TMEM51: variants seen among roughly 807,000 people sequenced by gnomAD.
TMEM51 encodes chromosome 1 open reading frame 72.
TMEM51 carries 8 observed loss-of-function variants against 13.6 expected under a neutral mutation model. That is an observed-to-expected ratio of 0.59 (90% CI 0.35 to 1.07). The LOEUF is 1.07. Among genes scored for constraint, TMEM51 ranks in the 50% least tolerant of loss-of-function variants. TMEM51 has a pLI of 0.02. For synonymous variants in TMEM51, 147 were observed against 144.4 expected, an observed-to-expected ratio of 1.02 and a Z score of -0.13; for missense variants, 279 against 330.7, an observed-to-expected ratio of 0.84 and a Z score of 1.21.
At chr1:15,203,656 AAGGC>A (rs1644199133) in intron 1 of TMEM51, among the ~76,000 whole-genome samples, 1 of 152,136 alleles carries the variant, frequency 6.6e-6, no homozygotes, top group Admixed American at 6.5e-5. Context: ...CTATGGGGAC[AAGGC>A]CTTCTGTCTG....
intron 1 of TMEM51, among the ~76,000 whole-genome samples, chr1:15,158,214 G>A (rs1359978356): frequency 6.6e-6 from 1 of 152,194 alleles, no homozygotes; most frequent in African/African-American, 2.4e-5. Context: ...TGGCTAGCAG[G>A]TATTCCCTTG....
intron 2 of TMEM51, among the ~76,000 whole-genome samples, chr1:15,213,884 C>G (rs1457909196): frequency 6.6e-6 from 1 of 152,056 alleles, no homozygotes; most frequent in Non-Finnish European, 1.5e-5. Context: ...CTCTGTCACC[C>G]AGGCTGGAGT....
At chr1:15,167,258 C>T (rs899270579) in intron 1 of TMEM51, among the ~76,000 whole-genome samples, 4 of 135,398 alleles carry the variant, frequency 3.0e-5, no homozygotes, top group Admixed American at 9.1e-5. Flanking sequence ...ACCTGGGAAG[C>T]GCAGCTTGCA....
intron 2 of TMEM51, among the ~76,000 whole-genome samples, chr1:15,213,656 C>T (rs371428776): frequency 6.6e-6 from 1 of 152,174 alleles, no homozygotes; most frequent in African/African-American, 2.4e-5. Flanking sequence ...CTCCCTTTAG[C>T]GCAGGGTCTC....
intron 1 of TMEM51, among the ~76,000 whole-genome samples, chr1:15,156,056 A>T (rs1156680348): frequency 2.6e-5 from 4 of 152,036 alleles, no homozygotes; most frequent in Non-Finnish European, 5.9e-5. Flanking sequence ...GCAGAGAGTA[A>T]TGTGTGGCCT....
intron 1 of TMEM51, among the ~76,000 whole-genome samples, chr1:15,162,105 G>A (rs1041922392): frequency 2.0e-5 from 3 of 152,006 alleles, no homozygotes; most frequent in Non-Finnish European, 2.9e-5. Context: ...AGCCATTCAA[G>A]AGGGATCCAC....
At chr1:15,195,011 A>T (rs1438451521) in intron 1 of TMEM51, among the ~76,000 whole-genome samples, 1 of 138,084 alleles carries the variant, frequency 7.2e-6, no homozygotes, top group Admixed American at 8.4e-5. Context: ...TGCAACCTCC[A>T]CTGCCCAGGC....
intron 1 of TMEM51, among the ~76,000 whole-genome samples, chr1:15,194,086 G>A (rs1643996089): frequency 6.6e-6 from 1 of 152,212 alleles, no homozygotes; most frequent in South Asian, 2.1e-4. Flanking sequence ...GGACTAGAGA[G>A]GGCAGTGAAC....
At chr1:15,205,273 A>G (rs1644229379) in intron 1 of TMEM51, among the ~76,000 whole-genome samples, 1 of 152,152 alleles carries the variant, frequency 6.6e-6, no homozygotes, top group African/African-American at 2.4e-5. Flanking sequence ...GACCCTGGTG[A>G]TGTCAGGTTT....
intron 1 of TMEM51, among the ~76,000 whole-genome samples, chr1:15,182,260 G>A (rs1419450750): frequency 1.3e-5 from 2 of 152,172 alleles, no homozygotes; most frequent in African/African-American, 4.8e-5. Flanking sequence ...ATCCCTTCTG[G>A]AGTCAAATCC....
At chr1:15,198,457 C>T (rs1435262426) in intron 1 of TMEM51, among the ~76,000 whole-genome samples, 4 of 152,164 alleles carry the variant, frequency 2.6e-5, no homozygotes, top group African/African-American at 9.6e-5. Flanking sequence ...CACTGTGTTG[C>T]CCAGGCTGGA....
intron 1 of TMEM51, among the ~76,000 whole-genome samples, chr1:15,180,007 A>G (rs1643565786): frequency 6.6e-6 from 1 of 152,188 alleles, no homozygotes; most frequent in Non-Finnish European, 1.5e-5. Context: ...TATAAACTGC[A>G]TCTTAAGTAA....
intron 1 of TMEM51, among the ~76,000 whole-genome samples, chr1:15,189,926 T>C (rs989217954): frequency 3.3e-5 from 5 of 152,254 alleles, no homozygotes; most frequent in African/African-American, 1.2e-4. Flanking sequence ...CATTCAGCCT[T>C]GACCCCTGTC....
chr1:15,205,423 T>C (rs1173825246), intron 1 of TMEM51, among the ~76,000 whole-genome samples: 8 of 152,140 alleles, frequency 5.3e-5, no homozygotes, highest in African/African-American at 1.7e-4. Flanking sequence ...CCCTGGAATA[T>C]CCTGATCTCT....
At chr1:15,171,116 C>CA in intron 1 of TMEM51, 4 of 1,144,162 alleles carry the variant, frequency 3.5e-6, no homozygotes, top group Non-Finnish European at 4.7e-6. Flanking sequence ...CCCCCCGCCA[C>CA]ATCCCCCACC....
intron 2 of TMEM51, 50 bp downstream of exon 2, chr1:15,210,612 T>C (rs1418264116): frequency 6.6e-6 from 1 of 152,180 alleles, no homozygotes; most frequent in Non-Finnish European, 1.5e-5. Flanking sequence ...AACTCAGATA[T>C]AGAATCATTC....
chr1:15,183,418 T>A (rs1232505856), intron 1 of TMEM51, among the ~76,000 whole-genome samples: 1 of 152,210 alleles, frequency 6.6e-6, no homozygotes, highest in Non-Finnish European at 1.5e-5. Context: ...TTCTGCCGAT[T>A]ACCAGCTGCA....
chr1:15,215,860 C>G lies in TMEM51; in HGVS notation c.344+429C>G, dbSNP rs368976632. 5.9e-5 allele frequency among the ~76,000 whole-genome samples: 9 copies of G among 152,130 alleles called. No individual in the cohort carries two copies. In the South Asian group the frequency reaches 1.7e-3, roughly 28 times the overall value. ...TGGCCAACATGGTGAAACCCTGTCTCTACTAAGAATACAAAAATTAGCTGG... is the reference window on the plus strand; with the variant it reads ...TGGCCAACATGGTGAAACCCTGTCTGTACTAAGAATACAAAAATTAGCTGG... On this transcript the variant is annotated intron_variant, in intron 3 of 3. Transcript: ENST00000376008.
chr1:15,165,724 A>G (rs1354189912), intron 1 of TMEM51, among the ~76,000 whole-genome samples: 3 of 152,236 alleles, frequency 2.0e-5, no homozygotes, highest in African/African-American at 7.2e-5. Flanking sequence ...TTGCAGCAAC[A>G]GGGAATTGGT....
Sources: allele counts gnomAD v4.1 joint callset (sites outside exome capture counted in the v4.1 genomes callset), GRCh38; gene constraint gnomAD v4.1.1; transcripts MANE v1.5; gene names NCBI Gene and HGNC (gene_info 2026-07-23, HGNC 2026-07-21).